CUL4B: variants seen among roughly 807,000 people sequenced by gnomAD.
CUL4B encodes the protein cullin 4B.
A neutral mutation model predicts 69.2 loss-of-function variants in CUL4B; 1 was observed. The ratio of observed to expected loss-of-function variants is 0.01; its 90% CI spans 0.01 to 0.07. The LOEUF is 0.07. Ranked by LOEUF, CUL4B falls within the 10% of genes least tolerant of loss-of-function variation. The probability of loss-of-function intolerance (pLI) is 1.00; values close to 1 mark genes in which losing one functional copy is unlikely to be tolerated. For synonymous variants in CUL4B, 237 were observed against 223.2 expected (o/e 1.06, Z -0.55); for missense variants, 328 against 638.8 (o/e 0.51, Z 5.24).
At chrX:120,550,444 G>C (rs1369217686) in intron 2 of CUL4B, among the ~76,000 whole-genome samples, 2 of 111,740 alleles carry the variant, frequency 1.8e-5, no homozygotes, top group African/African-American at 3.3e-5. Context: ...GCTATGATGA[G>C]GATAAGCAGA....
chrX:120,548,457 T>C (rs1463415548), intron 2 of CUL4B, among the ~76,000 whole-genome samples: 1 of 111,951 alleles, frequency 8.9e-6, no homozygotes, highest in Admixed American at 9.5e-5. Context: ...GCAGAAATTA[T>C]TGCTAGTAGT....
chrX:120,550,920 G>A (rs919747628), intron 2 of CUL4B, among the ~76,000 whole-genome samples: 25 of 111,414 alleles, frequency 2.2e-4, no homozygotes, highest in Admixed American at 1.8e-3. Context: ...ATACACAGTC[G>A]TTTTACGTAT....
chrX:120,555,269 A>T, intron 2 of CUL4B, among the ~76,000 whole-genome samples: 1 of 112,254 alleles, frequency 8.9e-6, no homozygotes, highest in Non-Finnish European at 1.9e-5. Context: ...GGTAAAGTAA[A>T]TAGGGTTAAT....
downstream of CUL4B, among the ~76,000 whole-genome samples, chrX:120,567,763 A>G (rs746267103): frequency 8.3e-5 from 9 of 107,957 alleles, no homozygotes; most frequent in South Asian, 3.8e-3. Flanking sequence ...ATATCCCAGC[A>G]CTTTGGGATG....
chrX:120,561,018 G>C, upstream of CUL4B: 2 of 966,049 alleles, frequency 2.1e-6, no homozygotes, highest in Non-Finnish European at 2.6e-6. Context: ...GAGAGGCTGT[G>C]GTTGGGGGAA....
chrX:120,552,762 A>G lies in CUL4B; in HGVS notation c.672+5162T>C, dbSNP rs892332847. Among the ~76,000 whole-genome samples, 3 of 112,522 alleles carry G rather than the reference A, an allele frequency of 2.7e-5. No homozygotes were observed. The Admixed American group carries it at 2.8e-4, about 11-fold the overall frequency. ...ACAACAGACAATAAAAAAGATACTGAATTTCCACCAGGGTGTTGAACTCTG... is the reference window on the plus strand; with the variant it reads ...ACAACAGACAATAAAAAAGATACTGGATTTCCACCAGGGTGTTGAACTCTG... On this transcript the variant is annotated intron_variant, in intron 2 of 19. Transcript: ENST00000371322.
At chrX:120,559,955 C>G in intron 1 of CUL4B, 128 bp downstream of exon 1, 2 of 1,169,679 alleles carry the variant, frequency 1.7e-6, no homozygotes, top group Non-Finnish European at 2.3e-6. Flanking sequence ...ACCTCCCCTC[C>G]ACCTCATTGA....
rs746980344 is a variant in CUL4B, at chrX:120,536,957, A to G, written c.2016T>C (p.Tyr672=). ...NILTMGYWPT[Y]VPMEVHLPPE... Reference sequence around the variant, plus strand: ...GTGGTAAATGAACTTCCATAGGCACATATGTCGGCCAATAGCCCATTGTCA... The same window carrying G: ...GTGGTAAATGAACTTCCATAGGCACGTATGTCGGCCAATAGCCCATTGTCA... Residue 672 remains tyrosine (Y), a synonymous_variant, in exon 15 of 20, where the codon TAT becomes TAC. Transcript: ENST00000371322. 2 of 1,205,358 alleles carry G rather than the reference A, an allele frequency of 1.7e-6. No homozygotes were observed. The highest frequency in any genetic ancestry group is 2.2e-5 in the Admixed American group (1 of 45,782).
At chrX:120,561,166 C>T (rs1925280367), upstream of CUL4B, 4 of 832,599 alleles carry the variant, frequency 4.8e-6, no homozygotes, top group African/African-American at 2.1e-5. Flanking sequence ...GCGCTGCAGC[C>T]GCCCGGGGGG....
intron 2 of CUL4B, among the ~76,000 whole-genome samples, chrX:120,552,339 G>T (rs1328711157): frequency 1.8e-5 from 2 of 112,362 alleles, no homozygotes; most frequent in Non-Finnish European, 1.9e-5. Flanking sequence ...GTAGAGACTG[G>T]GTTTCACCAT....
intron 2 of CUL4B, among the ~76,000 whole-genome samples, chrX:120,551,858 G>GTCC (rs1336028238): frequency 9.0e-6 from 1 of 111,301 alleles, no homozygotes; most frequent in African/African-American, 3.3e-5. Context: ...CAAGGTATCA[G>GTCC]TCCAGTTTTG....
downstream of CUL4B, among the ~76,000 whole-genome samples, chrX:120,566,687 G>A (rs1292240446): frequency 2.7e-5 from 3 of 109,228 alleles, no homozygotes; most frequent in East Asian, 2.9e-4. Context: ...GTGAGCCACC[G>A]CACCCAGCCA....
intron 2 of CUL4B, among the ~76,000 whole-genome samples, chrX:120,555,315 A>C (rs1924898866): frequency 8.9e-6 from 1 of 112,382 alleles, no homozygotes; most frequent in Admixed American, 9.4e-5. Flanking sequence ...CAAATATGGA[A>C]TATATAAAAT....
intron 2 of CUL4B, among the ~76,000 whole-genome samples, chrX:120,555,480 T>C (rs1924908605): frequency 9.0e-6 from 1 of 111,647 alleles, no homozygotes; most frequent in Non-Finnish European, 1.9e-5. Context: ...TTTCAAACAC[T>C]GCACTACAGT....
At chrX:120,553,156 A>C (rs1308875537) in intron 2 of CUL4B, among the ~76,000 whole-genome samples, 1 of 112,206 alleles carries the variant, frequency 8.9e-6, no homozygotes, top group Admixed American at 9.5e-5. Context: ...CATTTTAAAA[A>C]ACAGCAACAA....
At chrX:120,557,793 C>T (rs1925068423) in intron 2 of CUL4B, 131 bp downstream of exon 2, 1 of 440,157 alleles carries the variant, frequency 2.3e-6, no homozygotes, top group Admixed American at 3.8e-5. Context: ...TAGAGTTCAT[C>T]AATTAATGGA....
rs201629851 is a variant in CUL4B, at chrX:120,543,052, A to C, written c.1257-19T>G. Reference sequence around the variant, plus strand: ...TGACTTCCTACAAGGAAAAAAAAAAAGGTTAGTATTATTGACGTTTGACTT... The same window carrying C: ...TGACTTCCTACAAGGAAAAAAAAAACGGTTAGTATTATTGACGTTTGACTT... On this transcript the variant is annotated intron_variant, in intron 8 of 19. Transcript: ENST00000371322. 1 of 1,082,386 alleles carries C rather than the reference A, an allele frequency of 9.2e-7. No homozygotes were observed. Among genetic ancestry groups the C allele is most frequent in the Middle Eastern group, 2.5e-4 (1 of 3,956 alleles). The allele number at this position is 1,082,386 out of a possible 1,213,427, so 89.2% of individuals were successfully genotyped here.
chrX:120,542,865 C>T (rs1924078972), intron 9 of CUL4B, 101 bp downstream of exon 9: 1 of 579,622 alleles, frequency 1.7e-6, no homozygotes, highest in Non-Finnish European at 2.9e-6. Flanking sequence ...AATGCAGCCA[C>T]ATGCTATCAA....
intron 2 of CUL4B, among the ~76,000 whole-genome samples, chrX:120,548,918 A>G (rs1418670387): frequency 8.9e-6 from 1 of 112,601 alleles, no homozygotes; most frequent in Admixed American, 9.4e-5. Context: ...TTTTTACTTC[A>G]CTTTAATAAC....
Sources: allele counts gnomAD v4.1 joint callset (sites outside exome capture counted in the v4.1 genomes callset), GRCh38; gene constraint gnomAD v4.1.1; transcripts MANE v1.5; gene names NCBI Gene and HGNC (gene_info 2026-07-23, HGNC 2026-07-21).